The following RBFOX1 variants were observed in gnomAD, a reference collection of about 807,000 sequenced individuals.
RBFOX1 encodes RNA binding protein fox-1 homolog 1.
RBFOX1 carries 8 observed loss-of-function variants against 57.7 expected under a neutral mutation model. That is an observed-to-expected ratio of 0.14 (90% confidence interval 0.08 to 0.25). RBFOX1 has a LOEUF of 0.25. Ranked by LOEUF, RBFOX1 falls within the 10% of genes least tolerant of loss-of-function variation. The probability of loss-of-function intolerance (pLI) is 1.00; values close to 1 mark genes in which losing one functional copy is unlikely to be tolerated. For synonymous variants in RBFOX1, 326 were observed against 222.4 expected (o/e 1.47, Z -4.15); for missense variants, 611 against 548.5 (o/e 1.11, Z -1.14).
intron 1 of RBFOX1, among the ~76,000 whole-genome samples, chr16:6,226,671 TA>T: frequency 6.6e-6 from 1 of 152,154 alleles, no homozygotes; most frequent in Non-Finnish European, 1.5e-5. Flanking sequence ...CCAAACCTCT[TA>T]AGGGGTTTAT....
At chr16:6,173,776 A>G (rs1179479820) in intron 1 of RBFOX1, among the ~76,000 whole-genome samples, 1 of 151,808 alleles carries the variant, frequency 6.6e-6, no homozygotes, top group African/African-American at 2.4e-5. Context: ...TGCCCAGCTA[A>G]TTTTTATATT....
intron 4 of RBFOX1, among the ~76,000 whole-genome samples, chr16:7,093,498 G>A (rs12103267): frequency 0.032 from 4,800 of 152,232 alleles, 207 homozygotes; most frequent in African/African-American, 0.1. Flanking sequence ...TAGTTTCCCA[G>A]CATCTTTAAG....
intron 1 of RBFOX1, among the ~76,000 whole-genome samples, chr16:6,153,849 T>G (rs997547823): frequency 2.0e-5 from 3 of 152,202 alleles, no homozygotes; most frequent in African/African-American, 7.2e-5. Context: ...TATATCATCT[T>G]AGGCTTCGCA....
intron 3 of RBFOX1, among the ~76,000 whole-genome samples, chr16:5,710,512 A>G (rs926558587): frequency 2.0e-5 from 3 of 152,178 alleles, no homozygotes; most frequent in Non-Finnish European, 2.9e-5. Context: ...TGTCTGTATT[A>G]TGAGGATGGC....
chr16:6,228,242 G>A (rs1319588910), intron 1 of RBFOX1, among the ~76,000 whole-genome samples: 13 of 152,116 alleles, frequency 8.5e-5, no homozygotes, highest in African/African-American at 2.7e-4. Flanking sequence ...AGAATCGCTT[G>A]AACCTGGGAG....
chr16:7,548,193 CAG>C (rs1271975235), intron 5 of RBFOX1, among the ~76,000 whole-genome samples: 3 of 152,278 alleles, frequency 2.0e-5, no homozygotes, highest in East Asian at 1.9e-4. Flanking sequence ...ACTTTTGAGA[CAG>C]AGAGTCCCAT....
chr16:5,578,799 C>G (rs1014989397), intron 2 of RBFOX1, among the ~76,000 whole-genome samples: 2 of 151,194 alleles, frequency 1.3e-5, no homozygotes, highest in Non-Finnish European at 2.9e-5. Flanking sequence ...GCGCTTCAAT[C>G]CCAAAAGTAC....
rs968186299 is a variant in RBFOX1, at chr16:6,948,375, C to CTTT, written c.-15-103655_-15-103653dup. On this transcript the variant is annotated intron_variant, in intron 3 of 15. Transcript: ENST00000550418. The stretch of plus-strand genomic sequence containing the variant: ...TACATGTCCTTTTCTTTCTCCCTTT[C>CTTT]TTTTTTTTTTTTTTTTTTTTTTTTT... Among the ~76,000 whole-genome samples the CTTT allele has an allele frequency of 3.3e-3, 221 of 67,964 alleles. 31 individuals carry two copies. The highest frequency in any genetic ancestry group is 0.013 in the African/African-American group (199 of 14,868). The allele number at this position is 67,964 out of a possible 152,430, so 44.6% of individuals were successfully genotyped here.
intron 1 of RBFOX1, among the ~76,000 whole-genome samples, chr16:6,120,653 A>C (rs911945530): frequency 8.5e-5 from 13 of 152,146 alleles, no homozygotes; most frequent in Admixed American, 4.6e-4. Flanking sequence ...TATAATAATT[A>C]TTGTTATTAA....
chr16:6,745,082 G>T (rs2073254184), intron 3 of RBFOX1, among the ~76,000 whole-genome samples: 1 of 151,846 alleles, frequency 6.6e-6, no homozygotes, highest in Non-Finnish European at 1.5e-5. Flanking sequence ...AAGATTTAAG[G>T]GTGAAATGGG....
At chr16:6,958,400 C>A (rs2082298570) in intron 3 of RBFOX1, among the ~76,000 whole-genome samples, 1 of 152,160 alleles carries the variant, frequency 6.6e-6, no homozygotes, top group Non-Finnish European at 1.5e-5. Flanking sequence ...ATATTTCCCC[C>A]CCTTTTTATG....
At chr16:6,550,027 C>T (rs572290870) in intron 2 of RBFOX1, among the ~76,000 whole-genome samples, 2 of 152,154 alleles carry the variant, frequency 1.3e-5, no homozygotes, top group South Asian at 2.1e-4. Flanking sequence ...TTCAAATCCA[C>T]CCAAGAAGTG....
chr16:5,859,549 G>C (rs765666438), intron 3 of RBFOX1, among the ~76,000 whole-genome samples: 1 of 152,162 alleles, frequency 6.6e-6, no homozygotes, highest in African/African-American at 2.4e-5. Context: ...CAAGTTGAAG[G>C]TTCTGAAAAT....
Position 7,649,512 on chromosome 16 carries a change from G to T in RBFOX1, c.758-4303G>T, listed in dbSNP as rs192985344. The stretch of plus-strand genomic sequence containing the variant: ...ATTTTTCCTAGCCTTCACTTACGAT[G>T]GAGTCGCTGTGGTTCGAACACCTCT... On this transcript the variant is annotated intron_variant, in intron 11 of 15. Coordinates refer to ENST00000550418, the MANE Select transcript of RBFOX1 (RefSeq NM_018723.4). Among the ~76,000 whole-genome samples the T allele has an allele frequency of 7.4e-3, 1,121 of 151,988 alleles. 7 individuals carry two copies. The highest frequency in any genetic ancestry group is 9.0e-3 in the Non-Finnish European group (611 of 67,816).
At chr16:7,155,856 C>A (rs951820936) in intron 4 of RBFOX1, among the ~76,000 whole-genome samples, 1 of 150,064 alleles carries the variant, frequency 6.7e-6, no homozygotes, top group East Asian at 2.0e-4. Context: ...TGTGATGAAC[C>A]ATATGTAGTG....
intron 2 of RBFOX1, among the ~76,000 whole-genome samples, chr16:6,326,329 T>A (rs781781845): frequency 6.6e-5 from 10 of 152,166 alleles, no homozygotes; most frequent in Admixed American, 2.0e-4. Context: ...CATGATAACA[T>A]TGGAAGATAA....
At chr16:6,079,333 A>G (rs537035237) in intron 1 of RBFOX1, among the ~76,000 whole-genome samples, 3 of 152,008 alleles carry the variant, frequency 2.0e-5, no homozygotes, top group East Asian at 3.9e-4. Context: ...AAATAGGGAG[A>G]TAGGGTCTTG....
intron 14 of RBFOX1, among the ~76,000 whole-genome samples, chr16:7,686,707 C>G (rs2076139178): frequency 6.6e-6 from 1 of 152,058 alleles, no homozygotes; most frequent in South Asian, 2.1e-4. Context: ...AAACTGAGGT[C>G]CAGACAGGTG....
At chr16:7,083,477 C>T (rs553189681) in intron 4 of RBFOX1, among the ~76,000 whole-genome samples, 1 of 152,138 alleles carries the variant, frequency 6.6e-6, no homozygotes, top group Admixed American at 6.5e-5. Flanking sequence ...CAAGAAATGA[C>T]ACATACCAAT....
Sources: gnomAD v4.1 joint callset for allele counts (sites outside exome capture counted in the v4.1 genomes callset) on GRCh38, gnomAD v4.1.1 for gene constraint, MANE v1.5 for transcripts, NCBI Gene and HGNC (gene_info 2026-07-23, HGNC 2026-07-21) for gene names.